ZNF638: variants seen among roughly 807,000 people sequenced by gnomAD.
ZNF638 encodes the protein zinc finger protein 638, also known as CTCL tumor antigen se33-1.
A neutral mutation model predicts 195.6 loss-of-function variants in ZNF638; 46 were observed. The ratio of observed to expected loss-of-function variants is 0.24; its 90% CI spans 0.19 to 0.30. The LOEUF is 0.30. Among genes scored for constraint, ZNF638 ranks in the 10% least tolerant of loss-of-function variants. The probability of loss-of-function intolerance (pLI) is 1.00; values close to 1 mark genes in which losing one functional copy is unlikely to be tolerated. For synonymous variants in ZNF638, 845 were observed against 772.0 expected (o/e 1.09, Z -1.57); for missense variants, 2,440 against 2,325.3 (o/e 1.05, Z -1.01).
intron 16 of ZNF638, among the ~76,000 whole-genome samples, chr2:71,403,506 C>T (rs562014355): frequency 1.3e-5 from 2 of 152,186 alleles, no homozygotes; most frequent in Non-Finnish European, 2.9e-5. Flanking sequence ...AATTTATTTA[C>T]TCAAGAAATA....
chr2:71,355,129 T>C (rs1009317224), intron 2 of ZNF638, among the ~76,000 whole-genome samples: 10 of 152,038 alleles, frequency 6.6e-5, no homozygotes, highest in Non-Finnish European at 1.2e-4. Context: ...CCACAACGCC[T>C]GGCTAATTTT....
chr2:71,395,875 T>C (rs1015107611), intron 10 of ZNF638: 1 of 531,308 alleles, frequency 1.9e-6, no homozygotes, highest in Non-Finnish European at 3.3e-6. Flanking sequence ...CCTATGCTTA[T>C]GTACTGTTGA....
chr2:71,430,390 G>T (rs141795899), intron 25 of ZNF638, among the ~76,000 whole-genome samples: 96 of 152,162 alleles, frequency 6.3e-4, no homozygotes, highest in African/African-American at 2.0e-3. Context: ...TTTTCTTATT[G>T]ATTGTAGGAC....
intron 11 of ZNF638, 23 bp downstream of exon 11, chr2:71,396,214 C>A: frequency 6.3e-7 from 1 of 1,595,238 alleles, no homozygotes; most frequent in East Asian, 2.2e-5. Context: ...AATTAGGATT[C>A]TAGACTATTA....
At chr2:71,336,589 C>G (rs1214427676) in intron 1 of ZNF638, among the ~76,000 whole-genome samples, 1 of 152,140 alleles carries the variant, frequency 6.6e-6, no homozygotes, top group Non-Finnish European at 1.5e-5. Flanking sequence ...GCACCTGTTG[C>G]ATGTCAGGAT....
chr2:71,359,978 T>G (rs936894392), intron 3 of ZNF638, among the ~76,000 whole-genome samples: 2 of 152,208 alleles, frequency 1.3e-5, no homozygotes, highest in Non-Finnish European at 2.9e-5. Flanking sequence ...CTTTACATAA[T>G]TGATTTAGTC....
intron 10 of ZNF638, among the ~76,000 whole-genome samples, chr2:71,385,805 C>T (rs569208281): frequency 8.5e-5 from 13 of 152,204 alleles, no homozygotes; most frequent in African/African-American, 2.9e-4. Context: ...TTACAATTAT[C>T]TCAAAAGTGA....
chr2:71,381,831 G>C (rs140462044), intron 10 of ZNF638, among the ~76,000 whole-genome samples: 7 of 152,084 alleles, frequency 4.6e-5, no homozygotes, highest in Middle Eastern at 3.4e-3. Context: ...ATTTTTTCTG[G>C]ATAAGAGCTA....
At chr2:71,332,962 T>G (rs1424806560) in intron 1 of ZNF638, 1 of 152,230 alleles carries the variant, frequency 6.6e-6, no homozygotes, top group Non-Finnish European at 1.5e-5. Flanking sequence ...CAAAAAATTT[T>G]CTGCTTTTTC....
At chr2:71,395,287 C>G (rs1450964407) in intron 10 of ZNF638, 2 of 717,270 alleles carry the variant, frequency 2.8e-6, no homozygotes, top group Admixed American at 2.0e-5. Flanking sequence ...CTACGCCTGA[C>G]AAACCTGCTG....
Position 71,358,396 on chromosome 2 carries a change from T to G in ZNF638, c.1379+2616T>G, listed in dbSNP as rs372702033. Among the ~76,000 whole-genome samples, 204 of 152,256 alleles carry G rather than the reference T, an allele frequency of 1.3e-3. 1 individual carries two copies. The highest frequency in any genetic ancestry group is 4.8e-3 in the African/African-American group (200 of 41,552). Reference sequence around the variant, plus strand: ...TCAGTTTCCCCTAATACCAAATCGCTCTCTCGTCTGGGCCTTGAGCAGTGC... The same window carrying G: ...TCAGTTTCCCCTAATACCAAATCGCGCTCTCGTCTGGGCCTTGAGCAGTGC... On this transcript the variant is annotated intron_variant, in intron 3 of 27. Transcript: ENST00000264447.
intron 1 of ZNF638, among the ~76,000 whole-genome samples, chr2:71,343,792 A>T (rs969013041): frequency 6.6e-6 from 1 of 152,166 alleles, no homozygotes. Flanking sequence ...TCCCCACCAA[A>T]AAAACTCACG....
intron 10 of ZNF638, chr2:71,388,700 GA>G: frequency 8.5e-7 from 1 of 1,174,540 alleles, no homozygotes; most frequent in Non-Finnish European, 1.3e-6. Context: ...CCCCGAAAAT[GA>G]AGGCGAAGAG....
chr2:71,370,983 C>A (rs959852952), intron 8 of ZNF638, among the ~76,000 whole-genome samples: 1 of 152,052 alleles, frequency 6.6e-6, no homozygotes, highest in East Asian at 1.9e-4. Flanking sequence ...CCCTGTTACC[C>A]TTCCCAGCCT....
chr2:71,401,130 A>G (rs535290352), intron 15 of ZNF638, among the ~76,000 whole-genome samples: 10 of 152,164 alleles, frequency 6.6e-5, no homozygotes, highest in Admixed American at 2.0e-4. Flanking sequence ...TAGGAAGAGT[A>G]TTTTATAGCA....
At chr2:71,387,201 A>C (rs185201347) in intron 10 of ZNF638, among the ~76,000 whole-genome samples, 160 of 152,264 alleles carry the variant, frequency 1.1e-3, no homozygotes, top group African/African-American at 3.8e-3. Context: ...ACAAAGTTCG[A>C]AGATTTAGAG....
At chr2:71,405,829 A>G (rs926596821) in intron 18 of ZNF638, among the ~76,000 whole-genome samples, 187 bp downstream of exon 18, 1 of 152,082 alleles carries the variant, frequency 6.6e-6, no homozygotes, top group African/African-American at 2.4e-5. Context: ...GATGCGAAAA[A>G]ATTTTTCAGG....
chr2:71,393,311 GA>G (rs1443586810), intron 10 of ZNF638: 1 of 657,118 alleles, frequency 1.5e-6, no homozygotes, highest in Non-Finnish European at 2.8e-6. Flanking sequence ...TTTATGGAAA[GA>G]TGTAAATAGT....
chr2:71,345,449 AG>A (rs2078834655), intron 1 of ZNF638, among the ~76,000 whole-genome samples: 1 of 152,204 alleles, frequency 6.6e-6, no homozygotes, highest in East Asian at 1.9e-4. Flanking sequence ...GCTGGAGTAC[AG>A]TGGTGGAAAC....
Sources: allele counts gnomAD v4.1 joint callset (sites outside exome capture counted in the v4.1 genomes callset), GRCh38; gene constraint gnomAD v4.1.1; transcripts MANE v1.5; gene names NCBI Gene and HGNC (gene_info 2026-07-23, HGNC 2026-07-21).